SRP19: variants seen among roughly 807,000 people sequenced by gnomAD.
SRP19 encodes signal recognition particle 19 kDa protein.
SRP19 carries 11 observed loss-of-function variants against 22.4 expected under a neutral mutation model. The observed-to-expected ratio is 0.49, with a 90% confidence interval of 0.31 to 0.81. The LOEUF is 0.81. SRP19 is among the 40% of genes least tolerant of loss of function. The pLI is 0.05. For missense variants in SRP19, 168 were observed against 175.9 expected (o/e 0.96, Z 0.25); for synonymous variants, 61 against 57.6 (o/e 1.06, Z -0.27).
chr5:112,896,190 G>A (rs781575563), downstream of SRP19: 2 of 152,660 alleles, frequency 1.3e-5, no homozygotes, highest in Non-Finnish European at 2.9e-5. Context: ...TTAAAGGAAA[G>A]ATTTCCCTGT....
chr5:112,869,951 A>G (rs536713662), downstream of SRP19, among the ~76,000 whole-genome samples: 77 of 152,320 alleles, frequency 5.1e-4, no homozygotes, highest in African/African-American at 1.8e-3. Flanking sequence ...ATTAATACAT[A>G]CCTATGATAA....
At chr5:112,875,360 T>G (rs940391023) in intron 4 of SRP19, among the ~76,000 whole-genome samples, 7 of 127,596 alleles carry the variant, frequency 5.5e-5, no homozygotes, top group Non-Finnish European at 3.5e-5. Flanking sequence ...GTACGTTTTG[T>G]TTTTGTTTTT....
rs180692982 is a variant in SRP19 at position 112,878,123 on chromosome 5, C to G, written c.301+13391C>G. 215 of 152,520 alleles carry G rather than the reference C, an allele frequency of 1.4e-3. 5 individuals are homozygous for G. The highest frequency in any genetic ancestry group is 0.014 in the Admixed American group (214 of 15,290). 9.4% of individuals were successfully genotyped at this position (152,520 alleles called of 1,614,324 possible). A position where few individuals can be genotyped will look rare whatever the true frequency, so the allele number is the denominator to read the frequency against. ...CCATATACTACGGAAACAACCAGGC[C>G]AATCTCCATTCGATTTCATTTCTCA... On this transcript the variant is annotated intron_variant, in intron 4 of 4. Transcript: ENST00000391338.
downstream of SRP19, among the ~76,000 whole-genome samples, chr5:112,873,330 C>T (rs1368642753): frequency 1.8e-5 from 1 of 55,950 alleles, no homozygotes; most frequent in African/African-American, 7.4e-5. Flanking sequence ...GCTTTATTTT[C>T]CAACCTTTCC....
At chr5:112,879,265 A>C (rs1387270612) in intron 4 of SRP19, among the ~76,000 whole-genome samples, 1 of 149,310 alleles carries the variant, frequency 6.7e-6, no homozygotes, top group Admixed American at 6.7e-5. Context: ...CCATGGCGAC[A>C]AATCAGAGAA....
chr5:112,873,479 T>G (rs1258995958), downstream of SRP19, among the ~76,000 whole-genome samples: 1 of 151,556 alleles, frequency 6.6e-6, no homozygotes, highest in African/African-American at 2.4e-5. Context: ...CCCGAGTAGC[T>G]GGGATTACAG....
At chr5:112,889,270 A>C (rs1768357018) in intron 4 of SRP19, among the ~76,000 whole-genome samples, 2 of 150,822 alleles carry the variant, frequency 1.3e-5, no homozygotes, top group Admixed American at 1.3e-4. Flanking sequence ...TATAGGACTA[A>C]ATTTTTTATA....
exon 5 of SRP19, chr5:112,891,611 T>G (rs1768450591): frequency 1.3e-6 from 2 of 1,574,072 alleles, no homozygotes; most frequent in Admixed American, 1.9e-5. Flanking sequence ...AGGTTAAGAA[T>G]GTCTGAGGGG....
intron 4 of SRP19, among the ~76,000 whole-genome samples, chr5:112,865,722 T>C (rs577147907): frequency 6.6e-6 from 1 of 152,222 alleles, no homozygotes; most frequent in Non-Finnish European, 1.5e-5. Flanking sequence ...GCCTCCCAAG[T>C]AGCTGGGACT....
At chr5:112,877,037 G>T (rs1274380195) in intron 4 of SRP19, 1 of 151,504 alleles carries the variant, frequency 6.6e-6, no homozygotes, top group East Asian at 1.9e-4. Context: ...ATGGGAAAAG[G>T]ATTTAAATAC....
chr5:112,871,138 C>T (rs193000922), downstream of SRP19, among the ~76,000 whole-genome samples: 15 of 151,798 alleles, frequency 9.9e-5, no homozygotes, highest in Admixed American at 2.6e-4. Context: ...GATACCCAGT[C>T]TGTGGTGTTC....
chr5:112,880,033 C>G (rs188643575), intron 4 of SRP19, among the ~76,000 whole-genome samples: 20 of 152,076 alleles, frequency 1.3e-4, no homozygotes, highest in Non-Finnish European at 2.9e-4. Flanking sequence ...TGTATTTATA[C>G]TCTTATTGTG....
rs1056038128 is a variant in SRP19 at position 112,864,292 on chromosome 5, C to A, written c.118-165C>A. 9.8e-6 allele frequency: 6 copies of A among 612,048 alleles called. No individual in the cohort carries two copies. The Admixed American group carries it at 1.5e-4, about 15-fold the overall frequency. The allele number at this position is 612,048 out of a possible 1,614,324, so 37.9% of individuals were successfully genotyped here. A position where few individuals can be genotyped will look rare whatever the true frequency, so the allele number is the denominator to read the frequency against. On this transcript the variant is annotated intron_variant, in intron 2 of 4. Coordinates refer to ENST00000505459, the MANE Select transcript of SRP19 (RefSeq NM_003135.3). ...CACACAGTTACGCATTAGTGTTATT[C>A]CTAGGAATTTTTAAAATTACAATAG...
intron 4 of SRP19, chr5:112,878,664 TTA>T: frequency 1.4e-6 from 2 of 1,386,672 alleles, no homozygotes; most frequent in Admixed American, 2.3e-5. Context: ...ATTCCAATCT[TTA>T]ATATCTCAAA....
intron 4 of SRP19, chr5:112,877,979 C>CTGTG (rs1491389635): frequency 8.7e-6 from 1 of 115,382 alleles, no homozygotes; most frequent in East Asian, 2.4e-4. Context: ...TTACAGGTTA[C>CTGTG]TCTGTGTGTG....
At chr5:112,894,871 CAA>C (rs941751137), downstream of SRP19, 5 of 152,200 alleles carry the variant, frequency 3.3e-5, no homozygotes, top group South Asian at 4.2e-4. Flanking sequence ...AATGGATTAT[CAA>C]GAGAGAGACA....
chr5:112,882,034 A>C (rs1768092835), intron 4 of SRP19: 1 of 153,580 alleles, frequency 6.5e-6, no homozygotes, highest in Admixed American at 6.5e-5. Flanking sequence ...GACCTCTGGA[A>C]GTGCTGTGAT....
At chr5:112,892,968 G>C (rs1561651636) in exon 5 of SRP19, 2 of 1,591,930 alleles carry the variant, frequency 1.3e-6, no homozygotes, top group Non-Finnish European at 1.7e-6. Context: ...GCCGGAGCCA[G>C]AGCCGCAGGA....
intron 4 of SRP19, among the ~76,000 whole-genome samples, chr5:112,889,016 G>C (rs774042526): frequency 2.7e-5 from 4 of 150,754 alleles, no homozygotes; most frequent in Non-Finnish European, 5.9e-5. Context: ...CTTTCGCTTG[G>C]GCTCTCATTC....
Sources: allele counts gnomAD v4.1 joint callset (sites outside exome capture counted in the v4.1 genomes callset), GRCh38; gene constraint gnomAD v4.1.1; transcripts MANE v1.5; gene names NCBI Gene and HGNC (gene_info 2026-07-23, HGNC 2026-07-21).